The following ZFPM2 variants were observed in gnomAD, a reference collection of about 807,000 sequenced individuals.
ZFPM2 encodes zinc finger protein ZFPM2.
In ZFPM2, 20 loss-of-function variants were observed where a neutral mutation model predicts 98.6. That is an observed-to-expected ratio of 0.20 (90% confidence interval 0.14 to 0.29). ZFPM2 has a LOEUF of 0.29. ZFPM2 is among the 10% of genes least tolerant of loss of function. The pLI, the probability that ZFPM2 is intolerant of heterozygous loss-of-function variation, is 1.00. For missense variants in ZFPM2, 1,310 were observed against 1,388.6 expected (o/e 0.94, Z 0.90); for synonymous variants, 518 against 502.7 (o/e 1.03, Z -0.41).
rs893590832 is a variant in ZFPM2 at position 105,335,037 on chromosome 8, A to G, written c.40+16056A>G. Among the ~76,000 whole-genome samples the G allele has an allele frequency of 5.3e-5, 8 of 151,914 alleles. No homozygotes were observed. The East Asian group carries it at 1.2e-3, about 22-fold the overall frequency. On this transcript the variant is annotated intron_variant, in intron 1 of 7. Coordinates refer to ENST00000407775, the MANE Select transcript of ZFPM2 (RefSeq NM_012082.4). ...TTTTAATTCATAAATGCCAGCATAA[A>G]TACCCCCTGATAATTATGACAGAGT...
chr8:105,649,859 C>T (rs1381527159), intron 5 of ZFPM2, among the ~76,000 whole-genome samples: 2 of 152,182 alleles, frequency 1.3e-5, no homozygotes, highest in Admixed American at 1.3e-4. Context: ...GGTTGTGTCT[C>T]TGCCAGCCTT....
chr8:105,691,857 C>G lies in ZFPM2; in HGVS notation c.532+57500C>G, dbSNP rs375665293. ...CTATGCGCTCCTTTAGAGTTTATCT[C>G]ATACAACTCTTGTGAATTTCAAGGA... On this transcript the variant is annotated intron_variant, in intron 5 of 7. Transcript: ENST00000407775. Among the ~76,000 whole-genome samples, 274 of 152,286 alleles carry G rather than the reference C, an allele frequency of 1.8e-3. 2 individuals carry two copies. Among genetic ancestry groups the G allele is most frequent in the African/African-American group, 6.5e-3 (269 of 41,564 alleles).
chr8:105,456,014 G>A (rs1299145104), intron 3 of ZFPM2, among the ~76,000 whole-genome samples: 2 of 152,184 alleles, frequency 1.3e-5, no homozygotes, highest in East Asian at 3.9e-4. Context: ...CCAGAGGGCT[G>A]CAAAACAAAC....
chr8:105,684,554 A>C (rs1485065660), intron 5 of ZFPM2, among the ~76,000 whole-genome samples: 1 of 152,150 alleles, frequency 6.6e-6, no homozygotes, highest in Non-Finnish European at 1.5e-5. Context: ...CTAAGATAGC[A>C]CTTCATTAGG....
At chr8:105,345,972 C>T (rs1248983144) in intron 1 of ZFPM2, among the ~76,000 whole-genome samples, 1 of 151,972 alleles carries the variant, frequency 6.6e-6, no homozygotes, top group Non-Finnish European at 1.5e-5. Flanking sequence ...AAATGTTTGC[C>T]ATGCAAATAC....
At chr8:105,754,966 G>A (rs1812563815) in intron 5 of ZFPM2, among the ~76,000 whole-genome samples, 1 of 152,024 alleles carries the variant, frequency 6.6e-6, no homozygotes, top group South Asian at 2.1e-4. Context: ...GTGTGTGTGT[G>A]TGTGTGTGTG....
chr8:105,327,570 G>GA (rs1488111708), intron 1 of ZFPM2, among the ~76,000 whole-genome samples: 1 of 151,382 alleles, frequency 6.6e-6, no homozygotes, highest in Non-Finnish European at 1.5e-5. Context: ...ATTCTATACA[G>GA]AAAAAATAGC....
intron 1 of ZFPM2, 59 bp downstream of exon 1, chr8:105,319,040 G>T (rs946324917): frequency 1.4e-6 from 2 of 1,459,682 alleles, no homozygotes; most frequent in East Asian, 2.9e-5. Flanking sequence ...CGGGGTGCGC[G>T]GGACGGGAAA....
intron 1 of ZFPM2, among the ~76,000 whole-genome samples, chr8:105,406,675 G>A (rs1257282462): frequency 2.0e-5 from 3 of 151,942 alleles, no homozygotes; most frequent in Admixed American, 2.0e-4. Flanking sequence ...CTGGATGGCA[G>A]ACTGAAAGTG....
chr8:105,549,918 T>C (rs534404942), intron 3 of ZFPM2, among the ~76,000 whole-genome samples: 3 of 146,684 alleles, frequency 2.0e-5, no homozygotes, highest in Non-Finnish European at 4.5e-5. Flanking sequence ...CCAGCCTAAA[T>C]GTATCATTTC....
intron 6 of ZFPM2, chr8:105,795,769 A>G: frequency 2.1e-6 from 1 of 482,090 alleles, no homozygotes; most frequent in Non-Finnish European, 4.2e-6. Context: ...GACACTTCAT[A>G]TGACACAAAA....
At chr8:105,592,890 C>G (rs1815881023) in intron 4 of ZFPM2, among the ~76,000 whole-genome samples, 1 of 152,166 alleles carries the variant, frequency 6.6e-6, no homozygotes, top group Non-Finnish European at 1.5e-5. Flanking sequence ...ATGATTAGAG[C>G]TGCTTGCCTC....
chr8:105,438,278 C>T (rs866339563), intron 2 of ZFPM2, among the ~76,000 whole-genome samples: 17 of 152,150 alleles, frequency 1.1e-4, no homozygotes, highest in Middle Eastern at 3.2e-3. Flanking sequence ...TTGCAGCTCC[C>T]TATCAATCTG....
intron 3 of ZFPM2, among the ~76,000 whole-genome samples, chr8:105,466,098 C>A (rs1220807724): frequency 1.3e-5 from 2 of 151,922 alleles, no homozygotes; most frequent in Non-Finnish European, 2.9e-5. Flanking sequence ...GGTTTAACTT[C>A]GTGGCTTTTC....
At chr8:105,416,639 T>G (rs1000838663) in intron 1 of ZFPM2, among the ~76,000 whole-genome samples, 3 of 151,910 alleles carry the variant, frequency 2.0e-5, no homozygotes, top group African/African-American at 4.8e-5. Flanking sequence ...AAGTATATAT[T>G]GTAATTTCTG....
At chr8:105,485,713 A>G (rs1813218483) in intron 3 of ZFPM2, among the ~76,000 whole-genome samples, 1 of 152,142 alleles carries the variant, frequency 6.6e-6, no homozygotes, top group African/African-American at 2.4e-5. Flanking sequence ...TAAAGATTTC[A>G]AGAGCAAAGA....
chr8:105,439,382 A>G (rs1486843823), intron 2 of ZFPM2, among the ~76,000 whole-genome samples: 1 of 152,180 alleles, frequency 6.6e-6, no homozygotes, highest in Non-Finnish European at 1.5e-5. Flanking sequence ...TTTTGGAAAG[A>G]ATGCCAGACT....
chr8:105,453,338 T>C (rs1362749844), intron 3 of ZFPM2, among the ~76,000 whole-genome samples: 1 of 152,224 alleles, frequency 6.6e-6, no homozygotes, highest in African/African-American at 2.4e-5. Context: ...ATATCTGTTC[T>C]CTAGAAGTAA....
intron 5 of ZFPM2, among the ~76,000 whole-genome samples, chr8:105,736,651 A>G (rs1439981906): frequency 6.6e-6 from 1 of 152,016 alleles, no homozygotes; most frequent in Non-Finnish European, 1.5e-5. Flanking sequence ...ATTAATAAAC[A>G]CTTGAGGATT....
Sources: gnomAD v4.1 joint callset for allele counts (sites outside exome capture counted in the v4.1 genomes callset) on GRCh38, gnomAD v4.1.1 for gene constraint, MANE v1.5 for transcripts, NCBI Gene and HGNC (gene_info 2026-07-23, HGNC 2026-07-21) for gene names.